COPG1: variants seen among roughly 807,000 people sequenced by gnomAD.
COPG1 encodes coatomer subunit gamma-1.
Under a neutral mutation model 102.8 loss-of-function variants are expected in COPG1, and 29 were observed. The observed-to-expected ratio is 0.28, with a 90% CI of 0.21 to 0.38. COPG1 has a LOEUF of 0.38. COPG1 is among the 10% of genes least tolerant of loss of function. The pLI is 1.00. For synonymous variants in COPG1, 406 were observed against 421.6 expected, an observed-to-expected ratio of 0.96 and a Z score of 0.45; for missense variants, 875 against 1,132.7, an observed-to-expected ratio of 0.77 and a Z score of 3.27.
intron 11 of COPG1, 48 bp from the exon 12 acceptor site, chr3:129,260,571 T>G (rs1939906286): frequency 6.3e-7 from 1 of 1,592,754 alleles, no homozygotes; most frequent in Admixed American, 1.7e-5. Flanking sequence ...TCAAATGTAG[T>G]GACAGCATTG....
At position 129,277,438 on chromosome 3, in the gene COPG1, A is replaced by C. The variant is rs768748856; in HGVS notation, c.*14A>C. On this transcript the variant is annotated 3_prime_UTR_variant, in exon 24 of 24. Coordinates refer to ENST00000314797, the MANE Select transcript of COPG1 (RefSeq NM_016128.4). ...TCTGTGGGATAAGAGGCCAGCCTGC[A>C]TAGGACCTCATACCCTTCCCCAACA... 6.2e-7 allele frequency: 1 copy of C among 1,612,908 alleles called. No individual in the cohort carries two copies. Among genetic ancestry groups the C allele is most frequent in the South Asian group, 1.1e-5 (1 of 91,008 alleles).
At chr3:129,258,492 A>G (rs1273335782) in intron 10 of COPG1, among the ~76,000 whole-genome samples, 5 of 152,108 alleles carry the variant, frequency 3.3e-5, no homozygotes, top group Non-Finnish European at 2.9e-5. Context: ...GAGTCTCACT[A>G]TGTCGCCCAG....
Position 129,256,073 on chromosome 3 carries a change from G to C in COPG1, c.498G>C (p.Leu166=), listed in dbSNP as rs1337375775. ...ATGTGTCCTGTTGCCCACAGCACCT[G>C]CTGAAGTGCAGCTTTGACGTGGTCA... ...SSSALVSSLH[L]LKCSFDVVKR... The change falls in exon 8 of 24, where the codon CTG becomes CTC. Residue 166 remains leucine, a synonymous_variant. Transcript: ENST00000314797. 1 of 1,613,722 alleles carries C rather than the reference G, an allele frequency of 6.2e-7. No individual in the cohort carries two copies. The highest frequency in any genetic ancestry group is 1.3e-5 in the African/African-American group (1 of 75,046).
chr3:129,273,104 C>T (rs60329142), intron 21 of COPG1, among the ~76,000 whole-genome samples, 200 bp downstream of exon 21: 2,699 of 152,254 alleles, frequency 0.018, 77 homozygotes, highest in East Asian at 0.11. Context: ...CTCACTGCAA[C>T]CTCTGTCTCC....
intron 21 of COPG1, among the ~76,000 whole-genome samples, chr3:129,273,813 A>C (rs1007666226): frequency 6.6e-6 from 1 of 152,144 alleles, no homozygotes; most frequent in Non-Finnish European, 1.5e-5. Context: ...TGCTTTCTGG[A>C]TAAATTTGAC....
chr3:129,255,132 T>G (rs1939780447), intron 7 of COPG1, 55 bp downstream of exon 7: 1 of 1,171,966 alleles, frequency 8.5e-7, no homozygotes. Context: ...TTGAAGAAAA[T>G]TTAAGAGTCA....
intron 5 of COPG1, 58 bp from the exon 6 acceptor site, chr3:129,254,610 G>A (rs1315811486): frequency 2.2e-6 from 3 of 1,335,610 alleles, no homozygotes; most frequent in East Asian, 4.6e-5. Flanking sequence ...GTTGGGAGCT[G>A]GAGAGGAGTA....
intron 21 of COPG1, 27 bp from the exon 22 acceptor site, chr3:129,274,811 G>A (rs1940235701): frequency 6.2e-7 from 1 of 1,613,202 alleles, no homozygotes; most frequent in Non-Finnish European, 8.5e-7. Context: ...GTAGATGGGT[G>A]CCTGATTTCT....
At chr3:129,268,859 A>G in intron 17 of COPG1, 73 bp from the exon 18 acceptor site, 2 of 1,377,282 alleles carry the variant, frequency 1.5e-6, no homozygotes, top group South Asian at 1.2e-5. Context: ...CCTGAGTAAT[A>G]GCACTGGGGT....
In COPG1 at chr3:129,265,758, C is replaced by G. The variant is rs758296971; in HGVS notation, c.1434C>G (p.Asn478Lys). 1.9e-6 allele frequency: 3 copies of G among 1,613,986 alleles called. No homozygotes were observed. The African/African-American group carries it at 4.0e-5, about 22-fold the overall frequency. Reference protein sequence around the residue: ...NPSKYIRFIYNRVVLEHEEVR... With the variant: ...NPSKYIRFIYKRVVLEHEEVR... Reference sequence around the variant, plus strand: ...CAAAGTACATCCGCTTCATCTATAACCGAGTGGTCTTGGAGCATGAGGAGG... The same window carrying G: ...CAAAGTACATCCGCTTCATCTATAAGCGAGTGGTCTTGGAGCATGAGGAGG... Residue 478 changes from asparagine to lysine, a missense_variant, in exon 14 of 24, where the codon AAC becomes AAG. Transcript: ENST00000314797.
chr3:129,277,549 A>T lies in COPG1; in HGVS notation c.*125A>T. 9.4e-7 allele frequency: 1 copy of T among 1,066,958 alleles called. No homozygotes were observed. The highest frequency in any genetic ancestry group is 1.3e-6 in the Non-Finnish European group (1 of 761,134). The allele number at this position is 1,066,958 out of a possible 1,614,324, so 66.1% of individuals were successfully genotyped here. ...TTGAAAAACAATTAGGAATCATTGC[A>T]GATTTTTTTTTATTCTGCTCCCACC... is the stretch of plus-strand genomic sequence containing the variant. On this transcript the variant is annotated 3_prime_UTR_variant, in exon 24 of 24. Coordinates refer to ENST00000314797, the MANE Select transcript of COPG1 (RefSeq NM_016128.4).
At chr3:129,267,470 A>AG (rs1940087875) in intron 15 of COPG1, among the ~76,000 whole-genome samples, 1 of 152,098 alleles carries the variant, frequency 6.6e-6, no homozygotes, top group Non-Finnish European at 1.5e-5. Flanking sequence ...AAATATAAAA[A>AG]ATTAGCCAGG....
In COPG1 at chr3:129,263,947, CT is replaced by C. The variant is rs765724310; in HGVS notation, c.1173del (p.Arg392AlafsTer7). ...ATCAGTGCCCTGTGTCAGAAATATC[CT>C]CGCAAACACGCCGTCCTTATGAACT... is the stretch of plus-strand genomic sequence containing the variant. ...QAISALCQKY[P>X]RKHAVLMNFL... On this transcript the variant is annotated frameshift_variant, in exon 13 of 24. Transcript: ENST00000314797. LOFTEE classifies it high-confidence loss of function. 1 of 1,614,166 alleles carries C rather than the reference CT, an allele frequency of 6.2e-7. No homozygotes were observed. The highest frequency in any genetic ancestry group is 1.1e-5 in the South Asian group (1 of 91,078).
chr3:129,267,183 T>A, intron 15 of COPG1, 84 bp downstream of exon 15: 1 of 1,021,900 alleles, frequency 9.8e-7, no homozygotes. Context: ...TTTTTTTAAC[T>A]GAAAAGGGAG....
chr3:129,249,867 T>G (rs1576957610), intron 1 of COPG1, 121 bp downstream of exon 1: 2 of 1,045,476 alleles, frequency 1.9e-6, no homozygotes. Context: ...TGTGCCAGGG[T>G]CCACAGCTAG....
At position 129,270,134 on chromosome 3, in the gene COPG1, C is replaced by A. The variant is rs376249490; in HGVS notation, c.1843+1134C>A. ...CCCCCCCTGGATAATCCAGGATAAC[C>A]CCTAGCTCAAGATCCTTAATTTAAT... On this transcript the variant is annotated intron_variant, in intron 18 of 23. Transcript: ENST00000314797. 3.2e-4 allele frequency among the ~76,000 whole-genome samples: 48 copies of A among 150,798 alleles called. No homozygotes were observed. In the East Asian group the frequency reaches 7.2e-3, roughly 23 times the overall value.
At position 129,277,309 on chromosome 3, in the gene COPG1, G is replaced by A. The variant is rs1377396790; in HGVS notation, c.2510G>A (p.Gly837Asp). 3 of 1,613,802 alleles carry A rather than the reference G, an allele frequency of 1.9e-6. No homozygotes were observed. The East Asian group carries it at 6.7e-5, about 36-fold the overall frequency. ...TLLLAGVFRG[G>D]HDILVRSRLL... ...TCCCTTCTAGGTGTGTTCCGGGGTG[G>A]TCATGACATCCTGGTGCGCTCCCGG... is the stretch of plus-strand genomic sequence containing the variant. The change falls in exon 24 of 24, where the codon GGT (glycine) becomes GAT (aspartate). Residue 837 changes from glycine to aspartate, a missense_variant. Coordinates refer to ENST00000314797, the MANE Select transcript of COPG1 (RefSeq NM_016128.4).
intron 8 of COPG1, 59 bp downstream of exon 8, chr3:129,256,213 C>T: frequency 6.8e-7 from 1 of 1,466,666 alleles, no homozygotes; most frequent in Non-Finnish European, 9.5e-7. Flanking sequence ...AAGGCACTGG[C>T]CAGTTGGCAT....
rs1298577967 is a variant in COPG1 at position 129,254,800 on chromosome 3, A to G, written c.399+57A>G. On this transcript the variant is annotated intron_variant, in intron 6 of 23. Coordinates refer to ENST00000314797, the MANE Select transcript of COPG1 (RefSeq NM_016128.4). ...GCCTCTTGATTGAGGCCTCGGCATC[A>G]TCTTTTGCATTCTTTGGGGTGTCCC... The G allele has an allele frequency of 5.4e-6, 8 of 1,489,592 alleles. No homozygotes were observed. The South Asian group carries it at 8.0e-5, about 15-fold the overall frequency. 92.3% of individuals were successfully genotyped at this position (1,489,592 alleles called of 1,614,324 possible). A position where few individuals can be genotyped will look rare whatever the true frequency, so the allele number is the denominator to read the frequency against.
Sources: gnomAD v4.1 joint callset for allele counts (sites outside exome capture counted in the v4.1 genomes callset) on GRCh38, gnomAD v4.1.1 for gene constraint, MANE v1.5 for transcripts, NCBI Gene and HGNC (gene_info 2026-07-23, HGNC 2026-07-21) for gene names.